KCNH1: variants seen among roughly 807,000 people sequenced by gnomAD.
KCNH1 encodes potassium voltage-gated channel subfamily H member 1, also known as voltage-gated delayed rectifier potassium channel KCNH1.
Under a neutral mutation model 69.2 loss-of-function variants are expected in KCNH1, and 27 were observed. The ratio of observed to expected loss-of-function variants is 0.39; its 90% CI spans 0.29 to 0.54. The LOEUF (loss-of-function observed/expected upper bound fraction) is 0.54. Among genes scored for constraint, KCNH1 ranks in the 20% least tolerant of loss-of-function variants. The probability of loss-of-function intolerance (pLI) is 0.68; values close to 1 mark genes in which losing one functional copy is unlikely to be tolerated. For synonymous variants in KCNH1, 456 were observed against 487.7 expected, an observed-to-expected ratio of 0.93 and a Z score of 0.86; for missense variants, 798 against 1,261.6, an observed-to-expected ratio of 0.63 and a Z score of 5.57.
chr1:211,035,067 G>A (rs1160984442), intron 5 of KCNH1, among the ~76,000 whole-genome samples: 2 of 152,118 alleles, frequency 1.3e-5, no homozygotes, highest in African/African-American at 2.4e-5. Flanking sequence ...CAGAATGCCA[G>A]GTTGACCACA....
chr1:210,835,609 C>T (rs532148704), intron 7 of KCNH1, among the ~76,000 whole-genome samples: 1 of 152,192 alleles, frequency 6.6e-6, no homozygotes, highest in African/African-American at 2.4e-5. Context: ...TAATTTAGAC[C>T]ATACCAACAG....
At chr1:210,754,648 T>G (rs1470695317) in intron 10 of KCNH1, among the ~76,000 whole-genome samples, 1 of 152,062 alleles carries the variant, frequency 6.6e-6, no homozygotes, top group African/African-American at 2.4e-5. Context: ...CCGTGTGACG[T>G]GCCTGCTCCA....
intron 1 of KCNH1, among the ~76,000 whole-genome samples, chr1:211,112,465 A>C (rs544983365): frequency 6.4e-4 from 96 of 150,218 alleles, no homozygotes; most frequent in African/African-American, 2.3e-3. Flanking sequence ...CCAAGTTTGC[A>C]TTTTCGACAT....
chr1:210,833,783 CA>C (rs1429105156), intron 7 of KCNH1, among the ~76,000 whole-genome samples: 3 of 152,142 alleles, frequency 2.0e-5, no homozygotes, highest in African/African-American at 7.2e-5. Flanking sequence ...ACAACCTACT[CA>C]TCTGACAAAG....
At chr1:210,959,473 A>T (rs879755074) in intron 6 of KCNH1, among the ~76,000 whole-genome samples, 1 of 152,216 alleles carries the variant, frequency 6.6e-6, no homozygotes, top group Non-Finnish European at 1.5e-5. Context: ...TAGATGTTTA[A>T]GTCTGCAGAA....
intron 7 of KCNH1, among the ~76,000 whole-genome samples, chr1:210,878,237 C>T (rs904995242): frequency 2.0e-5 from 3 of 151,852 alleles, no homozygotes; most frequent in African/African-American, 4.8e-5. Context: ...TAGACAGACC[C>T]AGGAGGCAGA....
chr1:210,793,913 GC>G (rs897920793), intron 9 of KCNH1, among the ~76,000 whole-genome samples: 1 of 152,154 alleles, frequency 6.6e-6, no homozygotes, highest in East Asian at 1.9e-4. Context: ...TCCACTGTCA[GC>G]CCCCTCCACT....
At chr1:211,098,282 C>G in intron 3 of KCNH1, among the ~76,000 whole-genome samples, 1 of 149,198 alleles carries the variant, frequency 6.7e-6, no homozygotes, top group South Asian at 2.1e-4. Flanking sequence ...GATCGCGCCA[C>G]TGCACTCCAG....
At chr1:211,019,454 A>G (rs114601680) in intron 5 of KCNH1, among the ~76,000 whole-genome samples, 198 bp from the exon 6 acceptor site, 1,981 of 152,326 alleles carry the variant, frequency 0.013, 47 homozygotes, top group African/African-American at 0.045. Context: ...ATTACAAATT[A>G]CTATTTGGCT....
chr1:210,779,667 T>C (rs2102377210), intron 9 of KCNH1, among the ~76,000 whole-genome samples: 1 of 152,214 alleles, frequency 6.6e-6, no homozygotes, highest in Middle Eastern at 3.4e-3. Flanking sequence ...GTGCAGAATG[T>C]TAAAACTTAA....
At position 211,004,716 on chromosome 1, in the gene KCNH1, T is replaced by C. The variant is rs112794848; in HGVS notation, c.1032+14067A>G. Among the ~76,000 whole-genome samples, 886 of 152,118 alleles carry C rather than the reference T, an allele frequency of 5.8e-3. 13 individuals carry two copies. Among genetic ancestry groups the C allele is most frequent in the African/African-American group, 0.02 (837 of 41,510 alleles). ...CAAATTAAAGACAAGTGTGTCAGAG[T>C]GGATTTAAAAAATAGGCTTCTTAGA... On this transcript the variant is annotated intron_variant, in intron 6 of 10. Transcript: ENST00000271751.
chr1:211,054,522 A>AAT (rs1690267817), intron 5 of KCNH1, among the ~76,000 whole-genome samples: 1 of 152,182 alleles, frequency 6.6e-6, no homozygotes, highest in Admixed American at 6.5e-5. Flanking sequence ...AAAATGGTAA[A>AAT]ATATATATTG....
rs1681249782 is a variant in KCNH1 at position 210,680,956 on chromosome 1, G to T, written c.*2325C>A. The T allele has an allele frequency of 6.6e-6, 1 of 152,202 alleles. No individual in the cohort carries two copies. Among genetic ancestry groups the T allele is most frequent in the African/African-American group, 2.4e-5 (1 of 41,442 alleles). 9.4% of individuals were successfully genotyped at this position (152,202 alleles called of 1,614,324 possible). On this transcript the variant is annotated 3_prime_UTR_variant, in exon 11 of 11. Coordinates refer to ENST00000271751, the MANE Select transcript of KCNH1 (RefSeq NM_172362.3). The stretch of plus-strand genomic sequence containing the variant: ...TTTCACGGACATCCGTCTCCCTCAG[G>T]CAGAGCTGGAGGGAAATGGCAGGGC...
intron 7 of KCNH1, among the ~76,000 whole-genome samples, chr1:210,899,324 T>A (rs1574326212): frequency 6.6e-6 from 1 of 152,178 alleles, no homozygotes; most frequent in East Asian, 1.9e-4. Context: ...CAAAAAGATT[T>A]TCAAAGTCTA....
intron 7 of KCNH1, among the ~76,000 whole-genome samples, chr1:210,832,089 A>AT (rs1685173356): frequency 6.6e-6 from 1 of 152,190 alleles, no homozygotes; most frequent in East Asian, 1.9e-4. Context: ...TCCCTTTTTC[A>AT]GATAAACAGC....
chr1:211,070,359 A>C (rs1690615132), intron 5 of KCNH1, among the ~76,000 whole-genome samples: 1 of 151,534 alleles, frequency 6.6e-6, no homozygotes, highest in African/African-American at 2.4e-5. Context: ...TGGAGCTTGC[A>C]GTGAGCCAAG....
intron 9 of KCNH1, among the ~76,000 whole-genome samples, chr1:210,777,994 A>C (rs1194044878): frequency 1.4e-4 from 22 of 152,224 alleles, no homozygotes; most frequent in Admixed American, 1.4e-3. Flanking sequence ...CTTGGAACCC[A>C]ATCAACAAGT....
intron 6 of KCNH1, among the ~76,000 whole-genome samples, chr1:210,988,717 G>A (rs746540770): frequency 6.6e-5 from 10 of 152,186 alleles, no homozygotes; most frequent in Non-Finnish European, 1.2e-4. Flanking sequence ...CTAAACAAAT[G>A]TTTCTGTTTA....
At chr1:211,066,267 A>G (rs1336120576) in intron 5 of KCNH1, among the ~76,000 whole-genome samples, 1 of 152,200 alleles carries the variant, frequency 6.6e-6, no homozygotes, top group Non-Finnish European at 1.5e-5. Context: ...AAACGTCAAA[A>G]TCTAATATTA....
Sources: gnomAD v4.1 joint callset for allele counts (sites outside exome capture counted in the v4.1 genomes callset) on GRCh38, gnomAD v4.1.1 for gene constraint, MANE v1.5 for transcripts, NCBI Gene and HGNC (gene_info 2026-07-23, HGNC 2026-07-21) for gene names.